BMERB1: variants seen among roughly 807,000 people sequenced by gnomAD.
BMERB1 encodes bMERB domain-containing protein 1.
BMERB1 carries 12 observed loss-of-function variants against 23.6 expected under a neutral mutation model. That is an observed-to-expected ratio of 0.51 (90% CI 0.33 to 0.82). The LOEUF is 0.82. Among genes scored for constraint, BMERB1 ranks in the 40% least tolerant of loss-of-function variants. BMERB1 has a pLI of 0.03. For synonymous variants in BMERB1, 122 were observed against 96.6 expected, an observed-to-expected ratio of 1.26 and a Z score of -1.54; for missense variants, 247 against 255.4, an observed-to-expected ratio of 0.97 and a Z score of 0.22.
intron 1 of BMERB1, among the ~76,000 whole-genome samples, chr16:15,493,213 G>A (rs1285056549): frequency 4.6e-5 from 7 of 151,154 alleles, no homozygotes; most frequent in South Asian, 2.1e-4. Flanking sequence ...TTAGCCAGGC[G>A]TGGTGGTGCA....
rs1459271596 is a variant in BMERB1 at position 15,568,044 on chromosome 16, G to T, written c.292G>T (p.Val98Phe). ...CTTGAAGCAGGAGCTGCAGAACTTGGTCGCCATCCCAGGTAACCATTTGCA... is the reference window on the plus strand; with the variant it reads ...CTTGAAGCAGGAGCTGCAGAACTTGTTCGCCATCCCAGGTAACCATTTGCA... The part of the protein sequence containing the change: ...MDLKQELQNL[V>F]AIPEKEKTKL... Residue 98 changes from valine to phenylalanine, a missense_variant, in exon 3 of 6, where the codon GTC (valine) becomes TTC (phenylalanine). Val to Phe is a conservative substitution (Grantham distance 50, BLOSUM62 -1). Coordinates refer to ENST00000300006, the MANE Select transcript of BMERB1 (RefSeq NM_033201.3). 3 of 1,613,932 alleles carry T rather than the reference G, an allele frequency of 1.9e-6. No individual in the cohort carries two copies. Among genetic ancestry groups the T allele is most frequent in the Middle Eastern group, 1.7e-4 (1 of 6,040 alleles).
intron 1 of BMERB1, among the ~76,000 whole-genome samples, chr16:15,442,197 G>A (rs2050944602): frequency 6.6e-6 from 1 of 152,106 alleles, no homozygotes; most frequent in Admixed American, 6.5e-5. Context: ...TGGGCGTGGT[G>A]GCGCATGCCT....
At chr16:15,506,488 A>T (rs1008449490) in intron 1 of BMERB1, among the ~76,000 whole-genome samples, 1 of 152,132 alleles carries the variant, frequency 6.6e-6, no homozygotes, top group African/African-American at 2.4e-5. Flanking sequence ...TAATCTTAAA[A>T]TTTTAGAAAG....
chr16:15,498,119 G>T (rs1160099106), intron 1 of BMERB1, among the ~76,000 whole-genome samples: 2 of 152,102 alleles, frequency 1.3e-5, no homozygotes, highest in African/African-American at 4.8e-5. Context: ...AGGGCAGCTT[G>T]CTGGGTCTCC....
At chr16:15,449,708 G>C (rs900240630) in intron 1 of BMERB1, among the ~76,000 whole-genome samples, 1 of 151,854 alleles carries the variant, frequency 6.6e-6, no homozygotes, top group African/African-American at 2.4e-5. Context: ...AACACACCTG[G>C]CTAATTTTTG....
At chr16:15,526,661 C>CT in intron 2 of BMERB1, among the ~76,000 whole-genome samples, 1 of 104,820 alleles carries the variant, frequency 9.5e-6, no homozygotes, top group African/African-American at 4.8e-5. Flanking sequence ...GAGACTGCAT[C>CT]TCAAAAAAAA....
chr16:15,462,159 T>G (rs2051141405), intron 1 of BMERB1, among the ~76,000 whole-genome samples: 1 of 126,474 alleles, frequency 7.9e-6, no homozygotes, highest in Non-Finnish European at 1.7e-5. Context: ...TTTTTTTTTT[T>G]TTTTTTTTTT....
intron 2 of BMERB1, among the ~76,000 whole-genome samples, chr16:15,531,096 A>G (rs1345007862): frequency 6.6e-6 from 1 of 151,406 alleles, no homozygotes; most frequent in South Asian, 2.1e-4. Flanking sequence ...TTTAGTAGAG[A>G]CGGGGTTTCA....
At chr16:15,515,097 AAAGCAAACG>A (rs1451744296) in intron 1 of BMERB1, among the ~76,000 whole-genome samples, 199 bp from the exon 2 acceptor site, 1 of 152,182 alleles carries the variant, frequency 6.6e-6, no homozygotes, top group Admixed American at 6.5e-5. Flanking sequence ...AAAACAAAAC[AAAGCAAACG>A]AAGTAAATTA....
chr16:15,533,016 T>G, intron 2 of BMERB1: 1 of 455,912 alleles, frequency 2.2e-6, no homozygotes, highest in Non-Finnish European at 4.4e-6. Flanking sequence ...ATATCTTACC[T>G]TCTCTGAGCC....
At chr16:15,545,372 A>G (rs2052123813) in intron 2 of BMERB1, among the ~76,000 whole-genome samples, 2 of 152,234 alleles carry the variant, frequency 1.3e-5, no homozygotes, top group Non-Finnish European at 2.9e-5. Context: ...AGAAGACAGT[A>G]CAGACTCACT....
chr16:15,445,651 A>T (rs2050982414), intron 1 of BMERB1, among the ~76,000 whole-genome samples: 1 of 152,194 alleles, frequency 6.6e-6, no homozygotes, highest in Admixed American at 6.5e-5. Context: ...GCTGGAGAGG[A>T]TGTAGATCAA....
chr16:15,515,550 A>C (rs1451470301), intron 2 of BMERB1, 122 bp downstream of exon 2: 5 of 1,343,570 alleles, frequency 3.7e-6, no homozygotes, highest in African/African-American at 1.5e-5. Flanking sequence ...ACGTTTTTAA[A>C]AGCCTCATTT....
At chr16:15,584,939 G>T (rs2031105179) in intron 5 of BMERB1, among the ~76,000 whole-genome samples, 1 of 152,188 alleles carries the variant, frequency 6.6e-6, no homozygotes, top group Non-Finnish European at 1.5e-5. Flanking sequence ...TACTGGGATT[G>T]GCCAGGAATG....
chr16:15,526,951 AATCAT>A (rs1191375137), intron 2 of BMERB1, among the ~76,000 whole-genome samples: 1 of 147,908 alleles, frequency 6.8e-6, no homozygotes, highest in Non-Finnish European at 1.5e-5. Context: ...AAATATAATA[AATCAT>A]ATTTTATTAT....
At chr16:15,449,716 T>A (rs1279156067) in intron 1 of BMERB1, among the ~76,000 whole-genome samples, 1 of 151,938 alleles carries the variant, frequency 6.6e-6, no homozygotes, top group Non-Finnish European at 1.5e-5. Flanking sequence ...TGGCTAATTT[T>A]TGTATTTTTA....
intron 2 of BMERB1, among the ~76,000 whole-genome samples, chr16:15,527,582 G>A (rs1352087939): frequency 2.0e-5 from 3 of 152,078 alleles, no homozygotes; most frequent in African/African-American, 7.2e-5. Context: ...TCTAGCTCAG[G>A]CTACAGAGTG....
chr16:15,560,937 C>CT (rs1291502571), intron 2 of BMERB1, among the ~76,000 whole-genome samples: 3 of 148,502 alleles, frequency 2.0e-5, no homozygotes, highest in Non-Finnish European at 3.0e-5. Flanking sequence ...TTTCTCTTTC[C>CT]TTTTTTCTCT....
chr16:15,525,323 C>T (rs185396356), intron 2 of BMERB1, among the ~76,000 whole-genome samples: 23 of 152,250 alleles, frequency 1.5e-4, no homozygotes, highest in Middle Eastern at 3.4e-3. Context: ...AACTTAACAC[C>T]GTCAGCTCTC....
Sources: gnomAD v4.1 joint callset for allele counts (sites outside exome capture counted in the v4.1 genomes callset) on GRCh38, gnomAD v4.1.1 for gene constraint, MANE v1.5 for transcripts, NCBI Gene and HGNC (gene_info 2026-07-23, HGNC 2026-07-21) for gene names.